ZNHIT6: variants seen among roughly 807,000 people sequenced by gnomAD.
The protein encoded by ZNHIT6 is zinc finger HIT-type containing 6.
ZNHIT6 carries 45 observed loss-of-function variants against 57.2 expected under a neutral mutation model. The ratio of observed to expected loss-of-function variants is 0.79; its 90% CI spans 0.62 to 1.01. The LOEUF is 1.01. ZNHIT6 is among the 50% of genes least tolerant of loss of function. ZNHIT6 has a pLI of 0.00. For synonymous variants in ZNHIT6, 188 were observed against 190.0 expected (o/e 0.99, Z 0.09); for missense variants, 528 against 567.3 (o/e 0.93, Z 0.70).
At chr1:85,679,624 G>A (rs1020281225) in intron 6 of ZNHIT6, among the ~76,000 whole-genome samples, 1 of 136,718 alleles carries the variant, frequency 7.3e-6, no homozygotes, top group Non-Finnish European at 1.5e-5. Context: ...TTGCTCTGTC[G>A]CCCAGGCTGG....
rs889946689 is a variant in ZNHIT6, at chr1:85,707,485, C to A, written c.656+144G>T. On this transcript the variant is annotated intron_variant, in intron 1 of 9. Coordinates refer to ENST00000370574, the MANE Select transcript of ZNHIT6 (RefSeq NM_017953.4). ...AACACCCTCCACTTCCCAACCCACC[C>A]CCGCGAACGCCGTCTGACTCCAGAA... 24 of 814,774 alleles carry A rather than the reference C, an allele frequency of 2.9e-5. No individual in the cohort carries two copies. The African/African-American group carries it at 3.8e-4, about 13-fold the overall frequency. 50.5% of individuals were successfully genotyped at this position (814,774 alleles called of 1,614,324 possible).
intron 9 of ZNHIT6, 37 bp downstream of exon 9, chr1:85,657,810 G>A: frequency 6.3e-7 from 1 of 1,588,850 alleles, no homozygotes; most frequent in South Asian, 1.2e-5. Flanking sequence ...TTTCTCTAAA[G>A]CTATTCTAAG....
At position 85,698,258 on chromosome 1, in the gene ZNHIT6, T is replaced by C. The variant is rs544833091; in HGVS notation, c.1019+3899A>G. On this transcript the variant is annotated intron_variant, in intron 5 of 9. Coordinates refer to ENST00000370574, the MANE Select transcript of ZNHIT6 (RefSeq NM_017953.4). ...CCTCACTTTGACTATTCAGTGAAAA[T>C]TGCAGTACTTATTCTTAGAAAAATT... Among the ~76,000 whole-genome samples the C allele has an allele frequency of 7.2e-5, 11 of 152,278 alleles. No homozygotes were observed. In the East Asian group the frequency reaches 1.4e-3, roughly 19 times the overall value.
At chr1:85,668,074 C>A (rs940720728) in intron 8 of ZNHIT6, among the ~76,000 whole-genome samples, 1 of 145,218 alleles carries the variant, frequency 6.9e-6, no homozygotes, top group Non-Finnish European at 1.5e-5. Flanking sequence ...TATGTTTATA[C>A]CTGACCTTCT....
In ZNHIT6 at chr1:85,653,986, C is replaced by A; in HGVS notation, c.*72G>T. On this transcript the variant is annotated 3_prime_UTR_variant, in exon 10 of 10. Coordinates refer to ENST00000370574, the MANE Select transcript of ZNHIT6 (RefSeq NM_017953.4). ...CACCCATTGACAATACCCCAATCAG[C>A]CAACAGCCCATCAATGCAGAGTCTG... 1 of 1,317,508 alleles carries A rather than the reference C, an allele frequency of 7.6e-7. No homozygotes were observed. 81.6% of individuals were successfully genotyped at this position (1,317,508 alleles called of 1,614,324 possible). A position where few individuals can be genotyped will look rare whatever the true frequency, so the allele number is the denominator to read the frequency against.
In ZNHIT6 at chr1:85,708,418, C is replaced by T; in HGVS notation, c.-134G>A. 2.6e-6 allele frequency: 3 copies of T among 1,147,082 alleles called. No homozygotes were observed. Among genetic ancestry groups the T allele is most frequent in the Middle Eastern group, 2.2e-4 (1 of 4,564 alleles). 71.1% of individuals were successfully genotyped at this position (1,147,082 alleles called of 1,614,324 possible). ...CCAAGCAGCCACAAACCCGGAATAG[C>T]CTGCTTGACGCGACTGCTCGAATCG... On this transcript the variant is annotated 5_prime_UTR_variant, in exon 1 of 10. Transcript: ENST00000370574.
rs1660871421 is a variant in ZNHIT6 at position 85,650,467 on chromosome 1, T to A, written c.*3591A>T. Reference sequence around the variant, plus strand: ...TGTATATAAGCCAATGAACTGCCCTTCATGCTGACACTATTTTGAGTTTTT... The same window carrying A: ...TGTATATAAGCCAATGAACTGCCCTACATGCTGACACTATTTTGAGTTTTT... On this transcript the variant is annotated 3_prime_UTR_variant, in exon 10 of 10. Coordinates refer to ENST00000370574, the MANE Select transcript of ZNHIT6 (RefSeq NM_017953.4). The A allele has an allele frequency of 6.6e-6, 1 of 152,270 alleles. No individual in the cohort carries two copies. Among genetic ancestry groups the A allele is most frequent in the South Asian group, 2.1e-4 (1 of 4,836 alleles). The allele number at this position is 152,270 out of a possible 1,614,324, so 9.4% of individuals were successfully genotyped here.
chr1:85,707,215 T>C (rs1662708146), intron 1 of ZNHIT6, among the ~76,000 whole-genome samples: 1 of 152,346 alleles, frequency 6.6e-6, no homozygotes, highest in Non-Finnish European at 1.5e-5. Flanking sequence ...AGCTTGATAA[T>C]TGAGGTCAAG....
At chr1:85,700,839 T>C (rs546086755) in intron 5 of ZNHIT6, among the ~76,000 whole-genome samples, 123 of 152,242 alleles carry the variant, frequency 8.1e-4, no homozygotes, top group African/African-American at 2.9e-3. Context: ...CAGGGTCTCA[T>C]TCTGTCACCC....
At chr1:85,674,817 C>T (rs572544958) in intron 8 of ZNHIT6, among the ~76,000 whole-genome samples, 3 of 152,248 alleles carry the variant, frequency 2.0e-5, no homozygotes, top group African/African-American at 7.2e-5. Flanking sequence ...CTAATGTGTC[C>T]ACTCACCTAA....
chr1:85,702,378 C>T (rs186029307), intron 4 of ZNHIT6, 118 bp from the exon 5 acceptor site: 8 of 634,456 alleles, frequency 1.3e-5, no homozygotes, highest in African/African-American at 7.4e-5. Context: ...TACAACAGCT[C>T]TAAGCAGTAA....
In ZNHIT6 at chr1:85,707,967, C is replaced by A; in HGVS notation, c.318G>T (p.Glu106Asp). The change falls in exon 1 of 10, where the codon GAG becomes GAT. Residue 106 changes from glutamate to aspartate, a missense_variant. By Grantham distance (45) the Glu-to-Asp change is conservative. Transcript: ENST00000370574. ...WVEQEVEDRPEVKDENAGVLE... is the reference protein window; with the variant it reads ...WVEQEVEDRPDVKDENAGVLE... ...ATACGCCTGCGTTCTCATCCTTCACCTCAGGCCTATCCTCCACCTCCTGTT... is the reference window on the plus strand; with the variant it reads ...ATACGCCTGCGTTCTCATCCTTCACATCAGGCCTATCCTCCACCTCCTGTT... 1 of 1,614,168 alleles carries A rather than the reference C, an allele frequency of 6.2e-7. No individual in the cohort carries two copies. The highest frequency in any genetic ancestry group is 2.2e-5 in the East Asian group (1 of 44,882).
At chr1:85,656,177 G>C (rs972760257) in intron 9 of ZNHIT6, among the ~76,000 whole-genome samples, 1 of 152,158 alleles carries the variant, frequency 6.6e-6, no homozygotes, top group Non-Finnish European at 1.5e-5. Flanking sequence ...AGAAAGAAAT[G>C]CATGTACAGG....
intron 5 of ZNHIT6, among the ~76,000 whole-genome samples, chr1:85,698,407 C>G (rs1449095361): frequency 6.6e-6 from 1 of 152,138 alleles, no homozygotes; most frequent in Non-Finnish European, 1.5e-5. Flanking sequence ...GATAGGTCTA[C>G]AGAGTAATTC....
intron 5 of ZNHIT6, among the ~76,000 whole-genome samples, chr1:85,685,793 A>C (rs1373054043): frequency 6.6e-6 from 1 of 151,948 alleles, no homozygotes; most frequent in African/African-American, 2.4e-5. Context: ...TCCTGAGCTC[A>C]AGTGACCCTC....
Position 85,706,361 on chromosome 1 carries a change from A to G in ZNHIT6, c.723-6T>C. On this transcript the variant is annotated splice_polypyrimidine_tract_variant and splice_region_variant and intron_variant, in intron 2 of 9. Transcript: ENST00000370574. Reference sequence around the variant, plus strand: ...GTTTCTTTACACAGGGCAAACTGAAAAGACAAAGGGGAAGTACTTTTATAT... The same window carrying G: ...GTTTCTTTACACAGGGCAAACTGAAGAGACAAAGGGGAAGTACTTTTATAT... The G allele has an allele frequency of 1.9e-6, 3 of 1,613,912 alleles. No individual in the cohort carries two copies. The highest frequency in any genetic ancestry group is 2.5e-6 in the Non-Finnish European group (3 of 1,179,888).
intron 8 of ZNHIT6, among the ~76,000 whole-genome samples, chr1:85,667,112 A>G (rs910182687): frequency 3.3e-5 from 5 of 152,174 alleles, no homozygotes; most frequent in African/African-American, 1.2e-4. Flanking sequence ...GGCATATACT[A>G]TATTGCAAAG....
intron 8 of ZNHIT6, among the ~76,000 whole-genome samples, chr1:85,670,745 T>C (rs962597270): frequency 1.3e-5 from 2 of 152,120 alleles, no homozygotes; most frequent in Non-Finnish European, 1.5e-5. Context: ...TAACTAATAG[T>C]CTACATAAAA....
chr1:85,693,652 A>G lies in ZNHIT6; in HGVS notation c.1019+8505T>C, dbSNP rs372006059. Among the ~76,000 whole-genome samples, 12 of 152,360 alleles carry G rather than the reference A, an allele frequency of 7.9e-5. No individual in the cohort carries two copies. The East Asian group carries it at 2.1e-3, about 27-fold the overall frequency. On this transcript the variant is annotated intron_variant, in intron 5 of 9. Coordinates refer to ENST00000370574, the MANE Select transcript of ZNHIT6 (RefSeq NM_017953.4). ...CACATCATAGAAACTGCAGAACTCCAAAGACAATATTGAATATTTTCAAAG... is the reference window on the plus strand; with the variant it reads ...CACATCATAGAAACTGCAGAACTCCGAAGACAATATTGAATATTTTCAAAG...
Sources: gnomAD v4.1 joint callset for allele counts (sites outside exome capture counted in the v4.1 genomes callset) on GRCh38, gnomAD v4.1.1 for gene constraint, MANE v1.5 for transcripts, NCBI Gene and HGNC (gene_info 2026-07-23, HGNC 2026-07-21) for gene names.